CCDC102B: variants seen among roughly 807,000 people sequenced by gnomAD.
CCDC102B encodes the protein coiled-coil domain-containing protein 102B.
Under a neutral mutation model 57.4 loss-of-function variants are expected in CCDC102B, and 75 were observed. That is an observed-to-expected ratio of 1.31 (90% CI 1.08 to 1.58). The LOEUF is 1.58. Ranked by LOEUF, CCDC102B falls within the 40% of genes most tolerant of loss-of-function variation. CCDC102B has a pLI of 0.00. For synonymous variants in CCDC102B, 206 were observed against 201.9 expected, an observed-to-expected ratio of 1.02 and a Z score of -0.17; for missense variants, 636 against 582.6, an observed-to-expected ratio of 1.09 and a Z score of -0.94.
chr18:68,779,829 A>C (rs1327782757), intron 2 of CCDC102B, among the ~76,000 whole-genome samples: 1 of 152,144 alleles, frequency 6.6e-6, no homozygotes, highest in Non-Finnish European at 1.5e-5. Flanking sequence ...ATTTTTTAAA[A>C]AGAAAACAAT....
intron 6 of CCDC102B, among the ~76,000 whole-genome samples, chr18:68,982,508 C>T (rs1004927718): frequency 6.6e-6 from 1 of 151,830 alleles, no homozygotes; most frequent in Non-Finnish European, 1.5e-5. Context: ...ATTTTCTTCC[C>T]CCACTCTATA....
chr18:68,920,240 T>C (rs2041228449), intron 6 of CCDC102B, among the ~76,000 whole-genome samples: 2 of 152,124 alleles, frequency 1.3e-5, no homozygotes, highest in South Asian at 2.1e-4. Context: ...TCCTGAAAGC[T>C]GGAGGCATCA....
chr18:68,893,749 T>G (rs963492186), intron 5 of CCDC102B, among the ~76,000 whole-genome samples: 2 of 152,120 alleles, frequency 1.3e-5, no homozygotes, highest in African/African-American at 2.4e-5. Context: ...AGTAAATAGC[T>G]ATGTTTAGAA....
intron 4 of CCDC102B, among the ~76,000 whole-genome samples, chr18:68,856,003 A>G (rs1308178689): frequency 6.6e-6 from 1 of 152,150 alleles, no homozygotes; most frequent in Non-Finnish European, 1.5e-5. Flanking sequence ...TAGAGAAGGA[A>G]TGAGTGAGAA....
intron 2 of CCDC102B, among the ~76,000 whole-genome samples, chr18:68,730,534 A>G (rs1254901779): frequency 6.6e-6 from 1 of 152,162 alleles, no homozygotes; most frequent in East Asian, 1.9e-4. Context: ...CACTCATGTA[A>G]TACTTCTGTC....
chr18:68,894,930 A>G (rs542525171), intron 5 of CCDC102B, among the ~76,000 whole-genome samples: 2 of 152,030 alleles, frequency 1.3e-5, no homozygotes, highest in East Asian at 3.9e-4. Flanking sequence ...AAATCAATTT[A>G]TTTAATTTTA....
chr18:68,733,210 A>G (rs762764805), intron 2 of CCDC102B, among the ~76,000 whole-genome samples: 4 of 152,096 alleles, frequency 2.6e-5, no homozygotes, highest in African/African-American at 4.8e-5. Flanking sequence ...TGCCTTTCAC[A>G]CACACTCTCT....
At chr18:68,766,845 T>C (rs1447762311) in intron 2 of CCDC102B, among the ~76,000 whole-genome samples, 1 of 152,184 alleles carries the variant, frequency 6.6e-6, no homozygotes, top group Non-Finnish European at 1.5e-5. Context: ...GTTTGGGAAT[T>C]AAAAGAAAAT....
At chr18:68,771,295 C>A (rs531243280) in intron 2 of CCDC102B, among the ~76,000 whole-genome samples, 6 of 152,042 alleles carry the variant, frequency 3.9e-5, no homozygotes, top group Admixed American at 3.3e-4. Context: ...TTTGGAGATA[C>A]GTTGGGTCAG....
At chr18:68,868,064 C>T (rs186047989) in intron 4 of CCDC102B, among the ~76,000 whole-genome samples, 1 of 152,100 alleles carries the variant, frequency 6.6e-6, no homozygotes, top group African/African-American at 2.4e-5. Context: ...GATATTTCCT[C>T]TTATTGCATT....
Position 68,825,114 on chromosome 18 carries a change from G to A in CCDC102B, c.-15-11635G>A, listed in dbSNP as rs552017661. Among the ~76,000 whole-genome samples the A allele has an allele frequency of 7.2e-5, 11 of 152,116 alleles. No homozygotes were observed. In the South Asian group the frequency reaches 1.0e-3, roughly 14 times the overall value. The stretch of plus-strand genomic sequence containing the variant: ...TCAGTTTATCTGTTATTTGATTTAC[G>A]GAAGTTACTCTTATATAAAGGTAAA... On this transcript the variant is annotated intron_variant, in intron 1 of 7. Transcript: ENST00000360242.
chr18:68,802,359 T>C (rs188366216), intron 1 of CCDC102B, among the ~76,000 whole-genome samples: 3 of 152,320 alleles, frequency 2.0e-5, no homozygotes, highest in East Asian at 3.9e-4. Context: ...GAATTTATGA[T>C]TGCATGGATT....
intron 6 of CCDC102B, among the ~76,000 whole-genome samples, chr18:68,932,279 GTAT>G (rs1479705278): frequency 7.3e-5 from 11 of 151,380 alleles, no homozygotes; most frequent in Admixed American, 4.0e-4. Context: ...ATAAATAACT[GTAT>G]TATTCTATAA....
At chr18:68,872,785 C>G (rs1276589945) in intron 4 of CCDC102B, among the ~76,000 whole-genome samples, 1 of 151,876 alleles carries the variant, frequency 6.6e-6, no homozygotes, top group Non-Finnish European at 1.5e-5. Flanking sequence ...TTTTGCTTTT[C>G]TGCCACTCTT....
intron 6 of CCDC102B, among the ~76,000 whole-genome samples, chr18:68,916,994 A>G (rs192878244): frequency 5.9e-5 from 9 of 152,280 alleles, no homozygotes; most frequent in Admixed American, 5.2e-4. Flanking sequence ...GCAGGAAATC[A>G]GTAGGAAGCA....
At chr18:68,740,372 G>A (rs2033328442) in intron 2 of CCDC102B, among the ~76,000 whole-genome samples, 1 of 152,118 alleles carries the variant, frequency 6.6e-6, no homozygotes, top group Admixed American at 6.5e-5. Context: ...CAAAATCTTT[G>A]TTTCCTCGAG....
rs545041182 is a variant in CCDC102B, at chr18:68,936,394, C to T, written c.1263+38966C>T. On this transcript the variant is annotated intron_variant, in intron 6 of 7. Coordinates refer to ENST00000360242, the MANE Select transcript of CCDC102B (RefSeq NM_024781.3). ...GGTAGAGGTGTTCCTCTTTGTTCAC[C>T]TCTCCAGTAGTTTTGTATTTCTCAT... is the stretch of plus-strand genomic sequence containing the variant. 7.9e-5 allele frequency among the ~76,000 whole-genome samples: 12 copies of T among 152,058 alleles called. No individual in the cohort carries two copies. In the East Asian group the frequency reaches 2.3e-3, roughly 30 times the overall value.
intron 5 of CCDC102B, 32 bp from the exon 6 acceptor site, chr18:68,897,187 G>A (rs1471508443): frequency 1.3e-6 from 2 of 1,568,882 alleles, no homozygotes; most frequent in Admixed American, 1.8e-5. Flanking sequence ...TGCAAATGCT[G>A]CATGCTGCTT....
intron 7 of CCDC102B, among the ~76,000 whole-genome samples, chr18:69,032,170 G>A (rs965422097): frequency 1.3e-5 from 2 of 152,094 alleles, no homozygotes; most frequent in African/African-American, 4.8e-5. Context: ...TCCAGACAAA[G>A]AGGCACATAG....
Sources: allele counts gnomAD v4.1 joint callset (sites outside exome capture counted in the v4.1 genomes callset), GRCh38; gene constraint gnomAD v4.1.1; transcripts MANE v1.5; gene names NCBI Gene and HGNC (gene_info 2026-07-23, HGNC 2026-07-21).